Variants in RAB5A observed in about 807,000 individuals in gnomAD.
RAB5A encodes ras-related protein Rab-5A.
In RAB5A, 8 loss-of-function variants were observed where a neutral mutation model predicts 25.7. That is an observed-to-expected ratio of 0.31 (90% CI 0.18 to 0.56). RAB5A has a LOEUF of 0.56. RAB5A is among the 20% of genes least tolerant of loss of function. The pLI, the probability that RAB5A is intolerant of heterozygous loss-of-function variation, is 0.91. For synonymous variants in RAB5A, 98 were observed against 89.8 expected (o/e 1.09, Z -0.52); for missense variants, 192 against 259.7 (o/e 0.74, Z 1.79).
At position 19,984,558 on chromosome 3, in the gene RAB5A, G is replaced by A. The variant is rs931955247; in HGVS notation, c.*735G>A. 6.2e-5 allele frequency: 11 copies of A among 176,068 alleles called. No homozygotes were observed. The highest frequency in any genetic ancestry group is 1.3e-4 in the Non-Finnish European group (11 of 83,756). 10.9% of individuals were successfully genotyped at this position (176,068 alleles called of 1,614,324 possible). A position where few individuals can be genotyped will look rare whatever the true frequency, so the allele number is the denominator to read the frequency against. On this transcript the variant is annotated 3_prime_UTR_variant, in exon 6 of 6. Transcript: ENST00000273047. The stretch of plus-strand genomic sequence containing the variant: ...CAAAAATGAAATAAACCAGGTGTCT[G>A]TGATTTCTAATTAATCACCGCTGGC...
intron 4 of RAB5A, among the ~76,000 whole-genome samples, chr3:19,978,080 T>G (rs1012269251): frequency 1.3e-5 from 2 of 152,154 alleles, no homozygotes; most frequent in African/African-American, 4.8e-5. Flanking sequence ...TTAATCAAGG[T>G]GGGATAATGC....
intron 2 of RAB5A, among the ~76,000 whole-genome samples, chr3:19,961,652 A>T (rs991606027): frequency 2.6e-5 from 4 of 152,220 alleles, no homozygotes; most frequent in African/African-American, 9.6e-5. Flanking sequence ...AAATGCATTA[A>T]TTTGTTCATG....
intron 2 of RAB5A, among the ~76,000 whole-genome samples, chr3:19,975,097 A>C (rs1696803917): frequency 6.6e-6 from 1 of 151,988 alleles, no homozygotes. Context: ...GTGGTGGTGC[A>C]TGCCTGTAGT....
intron 5 of RAB5A, among the ~76,000 whole-genome samples, chr3:19,979,384 C>T (rs569021536): frequency 1.3e-5 from 2 of 151,470 alleles, no homozygotes; most frequent in African/African-American, 4.8e-5. Flanking sequence ...CCTGGATTCA[C>T]GCCATTCTCC....
In RAB5A at chr3:19,981,323, A is replaced by T. The variant is rs1455252966; in HGVS notation, c.533-2385A>T. On this transcript the variant is annotated intron_variant, in intron 5 of 5. Transcript: ENST00000273047. The stretch of plus-strand genomic sequence containing the variant: ...CCATCATAAATTAAAAATATCATAA[A>T]TCAGGCTGGGCGCAGTGGCTCACTA... 3.9e-5 allele frequency among the ~76,000 whole-genome samples: 6 copies of T among 152,272 alleles called. No homozygotes were observed. In the East Asian group the frequency reaches 9.7e-4, roughly 25 times the overall value.
chr3:19,963,266 TTTA>T (rs1696613719), intron 2 of RAB5A, among the ~76,000 whole-genome samples: 1 of 152,144 alleles, frequency 6.6e-6, no homozygotes, highest in African/African-American at 2.4e-5. Flanking sequence ...ATCTTCTCTT[TTTA>T]TTATTTTTTA....
intron 2 of RAB5A, among the ~76,000 whole-genome samples, chr3:19,961,267 A>G (rs964207779): frequency 6.6e-6 from 1 of 152,214 alleles, no homozygotes; most frequent in Non-Finnish European, 1.5e-5. Context: ...AACTGAAGCA[A>G]TAAAGGTTAA....
chr3:19,974,988 G>T (rs776833587), intron 2 of RAB5A, among the ~76,000 whole-genome samples: 2 of 152,188 alleles, frequency 1.3e-5, no homozygotes, highest in Non-Finnish European at 2.9e-5. Context: ...CACTTTGGGA[G>T]GCCAAGGTGG....
intron 2 of RAB5A, among the ~76,000 whole-genome samples, chr3:19,966,672 T>C (rs778234299): frequency 6.6e-6 from 1 of 152,216 alleles, no homozygotes; most frequent in Admixed American, 6.5e-5. Flanking sequence ...CACCCACACT[T>C]TACCTTTTTC....
intron 2 of RAB5A, among the ~76,000 whole-genome samples, chr3:19,968,421 A>G (rs1402461870): frequency 2.0e-5 from 3 of 152,154 alleles, no homozygotes; most frequent in Non-Finnish European, 4.4e-5. Flanking sequence ...ACTCTAGCCA[A>G]ACTACCCAGT....
At chr3:19,955,406 G>T (rs1696485268) in intron 2 of RAB5A, among the ~76,000 whole-genome samples, 1 of 152,208 alleles carries the variant, frequency 6.6e-6, no homozygotes, top group African/African-American at 2.4e-5. Context: ...CTAGGAACTT[G>T]TTAAAATGTA....
chr3:19,965,038 C>T (rs1330789637), intron 2 of RAB5A, among the ~76,000 whole-genome samples: 1 of 152,188 alleles, frequency 6.6e-6, no homozygotes, highest in Non-Finnish European at 1.5e-5. Flanking sequence ...TCACCTGTCT[C>T]TGCCTCTCAG....
chr3:19,948,515 T>C (rs574593122), intron 1 of RAB5A, among the ~76,000 whole-genome samples: 2 of 152,254 alleles, frequency 1.3e-5, no homozygotes, highest in Non-Finnish European at 2.9e-5. Flanking sequence ...ATAACAGTTA[T>C]TTTCAAAAGA....
chr3:19,972,747 C>T (rs971846151), intron 2 of RAB5A, among the ~76,000 whole-genome samples: 5 of 152,062 alleles, frequency 3.3e-5, no homozygotes, highest in Non-Finnish European at 7.4e-5. Context: ...TGGTAATGGG[C>T]ATTTGTTTGT....
intron 2 of RAB5A, among the ~76,000 whole-genome samples, chr3:19,966,019 C>G (rs562254645): frequency 4.6e-5 from 7 of 152,182 alleles, no homozygotes; most frequent in Middle Eastern, 3.2e-3. Context: ...TGAACCACTG[C>G]GCCTTACCCA....
At chr3:19,952,954 T>G (rs1696444889) in intron 2 of RAB5A, among the ~76,000 whole-genome samples, 1 of 148,802 alleles carries the variant, frequency 6.7e-6, no homozygotes, top group Non-Finnish European at 1.5e-5. Flanking sequence ...CTTATTTCAC[T>G]GTTAATGGAA....
Position 19,963,688 on chromosome 3 carries a change from A to C in RAB5A, c.164-11913A>C, listed in dbSNP as rs983617646. On this transcript the variant is annotated intron_variant, in intron 2 of 5. Coordinates refer to ENST00000273047, the MANE Select transcript of RAB5A (RefSeq NM_004162.5). Reference sequence around the variant, plus strand: ...GAGACAAGGTCTTCCTCTGTCACCCAGGCTGAAGAGCAGTGGCATGATTAT... The same window carrying C: ...GAGACAAGGTCTTCCTCTGTCACCCCGGCTGAAGAGCAGTGGCATGATTAT... Among the ~76,000 whole-genome samples, 11 of 152,152 alleles carry C rather than the reference A, an allele frequency of 7.2e-5. No individual in the cohort carries two copies. In the South Asian group the frequency reaches 1.0e-3, roughly 14 times the overall value.
chr3:19,972,533 G>A (rs573305747), intron 2 of RAB5A, among the ~76,000 whole-genome samples: 2 of 152,278 alleles, frequency 1.3e-5, no homozygotes, highest in South Asian at 2.1e-4. Context: ...ATCTGAATGG[G>A]ATCCATTCCT....
Position 19,984,422 on chromosome 3 carries a change from T to G in RAB5A, c.*599T>G, listed in dbSNP as rs1266096695. On this transcript the variant is annotated 3_prime_UTR_variant, in exon 6 of 6. Coordinates refer to ENST00000273047, the MANE Select transcript of RAB5A (RefSeq NM_004162.5). ...TAATTATACCCAGTCTGGTTTTTTT[T>G]TTTTAAATGGGGTAAAAATCAAATG... The G allele has an allele frequency of 4.9e-6, 1 of 203,190 alleles. No homozygotes were observed. Among genetic ancestry groups the G allele is most frequent in the African/African-American group, 2.4e-5 (1 of 41,822 alleles). The allele number at this position is 203,190 out of a possible 1,614,324, so 12.6% of individuals were successfully genotyped here. A position where few individuals can be genotyped will look rare whatever the true frequency, so the allele number is the denominator to read the frequency against.
Sources: allele counts gnomAD v4.1 joint callset (sites outside exome capture counted in the v4.1 genomes callset), GRCh38; gene constraint gnomAD v4.1.1; transcripts MANE v1.5; gene names NCBI Gene and HGNC (gene_info 2026-07-23, HGNC 2026-07-21).